TTC6: variants seen among roughly 807,000 people sequenced by gnomAD.
The protein encoded by TTC6 is tetratricopeptide repeat domain 6.
Under a neutral mutation model 210.4 loss-of-function variants are expected in TTC6, and 172 were observed. That is an observed-to-expected ratio of 0.82 (90% confidence interval 0.72 to 0.93). The LOEUF is 0.93. TTC6 is among the 40% of genes least tolerant of loss of function. The pLI is 0.00. For missense variants in TTC6, 2,414 were observed against 2,318.1 expected (o/e 1.04, Z -0.85); for synonymous variants, 804 against 819.6 (o/e 0.98, Z 0.32).
chr14:37,811,049 G>A lies in TTC6; in HGVS notation c.4570-1265G>A, dbSNP rs192649999. ...GGGCTAGTAATGATAACAGAGGCAT[G>A]GCACAAATCCAGGAGAGGCCAAGGC... On this transcript the variant is annotated intron_variant, in intron 24 of 30. Transcript: ENST00000553443. Among the ~76,000 whole-genome samples the A allele has an allele frequency of 3.7e-3, 559 of 152,264 alleles. 10 individuals are homozygous for A. Among genetic ancestry groups the A allele is most frequent in the Admixed American group, 0.032 (492 of 15,288 alleles).
intron 14 of TTC6, among the ~76,000 whole-genome samples, chr14:37,769,145 A>T (rs1196910317): frequency 6.6e-6 from 1 of 151,534 alleles, no homozygotes; most frequent in Non-Finnish European, 1.5e-5. Flanking sequence ...CATCCCAGGG[A>T]TGAAGCCCAC....
At chr14:37,753,864 A>C (rs977723974) in intron 14 of TTC6, among the ~76,000 whole-genome samples, 2 of 151,454 alleles carry the variant, frequency 1.3e-5, no homozygotes, top group African/African-American at 4.9e-5. Flanking sequence ...TGCATTGTAC[A>C]GTTTTCATTT....
At chr14:37,804,632 G>A (rs2096114227) in intron 20 of TTC6, 48 bp from the exon 23 acceptor site, 1 of 1,593,946 alleles carries the variant, frequency 6.3e-7, no homozygotes, top group African/African-American at 1.3e-5. Context: ...TAAATCAATA[G>A]TGGAAAGAAA....
At chr14:37,682,211 G>A (rs2095785465) in intron 2 of TTC6, among the ~76,000 whole-genome samples, 1 of 151,844 alleles carries the variant, frequency 6.6e-6, no homozygotes, top group South Asian at 2.1e-4. Context: ...CAAAAATGAG[G>A]CTAAAAAAGT....
At position 37,643,320 on chromosome 14, in the gene TTC6, A is replaced by C. The variant is rs939796251; in HGVS notation, c.939+20317A>C. 9.2e-5 allele frequency among the ~76,000 whole-genome samples: 14 copies of C among 152,276 alleles called. 1 individual carries two copies. The highest frequency in any genetic ancestry group is 3.4e-4 in the African/African-American group (14 of 41,552). On this transcript the variant is annotated intron_variant, in intron 1 of 30. Coordinates refer to ENST00000553443, the Ensembl canonical transcript of TTC6. Reference sequence around the variant, plus strand: ...AAGACTGTGTCTCAAAACAAAACAAAAAACACCCCAAAACCAAAATAAAAC... The same window carrying C: ...AAGACTGTGTCTCAAAACAAAACAACAAACACCCCAAAACCAAAATAAAAC...
At chr14:37,757,225 T>G (rs934902658) in intron 14 of TTC6, among the ~76,000 whole-genome samples, 3 of 151,902 alleles carry the variant, frequency 2.0e-5, no homozygotes, top group African/African-American at 7.3e-5. Flanking sequence ...GTCTATTTGA[T>G]TCTTCTCTTT....
chr14:37,622,448 A>G, exon 1 of TTC6: 1 of 1,535,068 alleles, frequency 6.5e-7, no homozygotes, highest in Non-Finnish European at 8.7e-7. Flanking sequence ...CCGCGTTCCT[A>G]CGGCACCAGG....
chr14:37,787,889 CTGTGTG>C (rs3062823), intron 15 of TTC6, among the ~76,000 whole-genome samples: 27,757 of 147,220 alleles, frequency 0.19, 2,932 homozygotes, highest in East Asian at 0.34. Flanking sequence ...GTGTGTGTGT[CTGTGTG>C]TGTGTGTGTG....
intron 26 of TTC6, among the ~76,000 whole-genome samples, chr14:37,820,886 TTCTCCTC>T (rs1225936822): frequency 2.2e-3 from 334 of 150,916 alleles, no homozygotes; most frequent in South Asian, 6.3e-3. Context: ...CTCCTCCTCC[TTCTCCTC>T]CTTCTCCTCC....
At chr14:37,794,658 A>G (rs1352052758) in intron 17 of TTC6, among the ~76,000 whole-genome samples, 2 of 151,682 alleles carry the variant, frequency 1.3e-5, no homozygotes, top group Non-Finnish European at 2.9e-5. Context: ...ATTTTTGTGC[A>G]GGCCTGTTTT....
intron 25 of TTC6, among the ~76,000 whole-genome samples, chr14:37,816,980 C>A (rs1381220625): frequency 6.6e-6 from 1 of 152,090 alleles, no homozygotes; most frequent in Non-Finnish European, 1.5e-5. Context: ...TCCCAGCTGA[C>A]TTCCCTAACT....
chr14:37,762,387 A>G (rs1261077765), intron 14 of TTC6, among the ~76,000 whole-genome samples: 2 of 152,142 alleles, frequency 1.3e-5, no homozygotes, highest in Admixed American at 6.5e-5. Context: ...TTTAGTTTTT[A>G]AGGCACCACC....
At chr14:37,603,897 T>A (rs966081438) in intron 1 of TTC6, among the ~76,000 whole-genome samples, 5 of 152,230 alleles carry the variant, frequency 3.3e-5, no homozygotes, top group Non-Finnish European at 5.9e-5. Flanking sequence ...GGACTAGCTC[T>A]CCCTGAGCCT....
chr14:37,660,163 T>C (rs2095734316), intron 1 of TTC6, among the ~76,000 whole-genome samples: 1 of 152,164 alleles, frequency 6.6e-6, no homozygotes, highest in African/African-American at 2.4e-5. Flanking sequence ...ATTGTCATCA[T>C]GAAATCTTTG....
intron 7 of TTC6, among the ~76,000 whole-genome samples, chr14:37,733,515 T>C (rs1414198093): frequency 6.6e-6 from 1 of 152,216 alleles, no homozygotes; most frequent in Non-Finnish European, 1.5e-5. Context: ...TATTGGCAGA[T>C]GTTTTAACAG....
intron 2 of TTC6, among the ~76,000 whole-genome samples, chr14:37,616,239 C>G (rs1221238009): frequency 6.6e-6 from 1 of 152,170 alleles, no homozygotes; most frequent in Non-Finnish European, 1.5e-5. Flanking sequence ...TGGAATTTCT[C>G]TCTCACTTCT....
intron 1 of TTC6, among the ~76,000 whole-genome samples, chr14:37,669,094 G>T (rs946008077): frequency 6.6e-6 from 1 of 152,182 alleles, no homozygotes; most frequent in East Asian, 1.9e-4. Flanking sequence ...TGTCTTTCTT[G>T]CAAAGTGAGA....
At chr14:37,805,452 CAA>C (rs1164441470) in intron 21 of TTC6, among the ~76,000 whole-genome samples, 1 of 150,230 alleles carries the variant, frequency 6.7e-6, no homozygotes, top group Non-Finnish European at 1.5e-5. Flanking sequence ...CACACACACA[CAA>C]ACACACACAC....
At chr14:37,674,058 T>C (rs1217327053) in intron 1 of TTC6, among the ~76,000 whole-genome samples, 2 of 152,154 alleles carry the variant, frequency 1.3e-5, no homozygotes, top group African/African-American at 4.8e-5. Flanking sequence ...AATTTTTCTT[T>C]TTGATTTTTT....
Sources: allele counts gnomAD v4.1 joint callset (sites outside exome capture counted in the v4.1 genomes callset), GRCh38; gene constraint gnomAD v4.1.1; transcripts MANE v1.5; gene names NCBI Gene and HGNC (gene_info 2026-07-23, HGNC 2026-07-21).